Variants in ENPEP observed in about 807,000 individuals in gnomAD.
The protein encoded by ENPEP is AP-A.
Under a neutral mutation model 114.5 loss-of-function variants are expected in ENPEP, and 103 were observed. That is an observed-to-expected ratio of 0.90 (90% confidence interval 0.77 to 1.06). ENPEP has a LOEUF of 1.06. Among genes scored for constraint, ENPEP ranks in the 50% least tolerant of loss-of-function variants. ENPEP has a pLI of 0.00. For synonymous variants in ENPEP, 420 were observed against 422.0 expected (o/e 1.00, Z 0.06); for missense variants, 1,196 against 1,161.3 (o/e 1.03, Z -0.43).
At chr4:110,528,690 T>C (rs895947909) in intron 10 of ENPEP, among the ~76,000 whole-genome samples, 1 of 152,210 alleles carries the variant, frequency 6.6e-6, no homozygotes, top group Non-Finnish European at 1.5e-5. Flanking sequence ...GGAAAGCATA[T>C]GTGCCTTTGA....
chr4:110,477,889 T>C (rs769797454), intron 1 of ENPEP, among the ~76,000 whole-genome samples: 4 of 152,222 alleles, frequency 2.6e-5, no homozygotes, highest in Non-Finnish European at 5.9e-5. Flanking sequence ...TATTGATCAG[T>C]GGCTACTACC....
chr4:110,481,468 A>G (rs182206855), intron 1 of ENPEP, among the ~76,000 whole-genome samples: 2 of 152,156 alleles, frequency 1.3e-5, no homozygotes, highest in African/African-American at 4.8e-5. Flanking sequence ...AAGAGTAGGG[A>G]TATATGTCTT....
chr4:110,561,987 A>G lies in ENPEP; in HGVS notation c.*429A>G, dbSNP rs890723928. 1.3e-5 allele frequency: 2 copies of G among 154,030 alleles called. No individual in the cohort carries two copies. Among genetic ancestry groups the G allele is most frequent in the African/African-American group, 4.8e-5 (2 of 41,462 alleles). The allele number at this position is 154,030 out of a possible 1,614,324, so 9.5% of individuals were successfully genotyped here. A position where few individuals can be genotyped will look rare whatever the true frequency, so the allele number is the denominator to read the frequency against. On this transcript the variant is annotated 3_prime_UTR_variant, in exon 20 of 20. Coordinates refer to ENST00000265162, the MANE Select transcript of ENPEP (RefSeq NM_001977.4). ...CAGTACTTGAGGGACCAATATTACCATCTTAATCTTTATTTTATTATTCAG... is the reference window on the plus strand; with the variant it reads ...CAGTACTTGAGGGACCAATATTACCGTCTTAATCTTTATTTTATTATTCAG...
Position 110,477,041 on chromosome 4 carries a change from G to A in ENPEP, c.627G>A (p.Thr209=), listed in dbSNP as rs1242947607. ...SLVGFYRTTY[T]ENGQVKSIVA... is the part of the protein sequence containing the mutation. ...TGGGATTTTATAGAACCACCTACAC[G>A]GAGAACGGACAAGTCAAGTAAATAT... Residue 209 remains threonine, a synonymous_variant, in exon 1 of 20, where the codon ACG becomes ACA. Coordinates refer to ENST00000265162, the MANE Select transcript of ENPEP (RefSeq NM_001977.4). 4 of 1,613,386 alleles carry A rather than the reference G, an allele frequency of 2.5e-6. No homozygotes were observed. Among genetic ancestry groups the A allele is most frequent in the Admixed American group, 1.7e-5 (1 of 59,962 alleles).
chr4:110,539,952 T>C (rs1335876205), intron 11 of ENPEP, among the ~76,000 whole-genome samples: 1 of 152,054 alleles, frequency 6.6e-6, no homozygotes, highest in Non-Finnish European at 1.5e-5. Context: ...GGGTTGAAAT[T>C]AAAGAGGCTC....
chr4:110,550,167 A>G (rs1727233343), intron 17 of ENPEP, among the ~76,000 whole-genome samples: 2 of 152,040 alleles, frequency 1.3e-5, no homozygotes, highest in Admixed American at 1.3e-4. Context: ...ATTTTCAATG[A>G]TCGACATGTT....
rs750134233 is a variant in ENPEP, at chr4:110,476,642, C to A, written c.228C>A (p.Asp76Glu). Residue 76 changes from aspartate to glutamate, a missense_variant, in exon 1 of 20, where the codon GAC (aspartate) becomes GAA (glutamate). Coordinates refer to ENST00000265162, the MANE Select transcript of ENPEP (RefSeq NM_001977.4). ...CAGGTCCTCCTGCCCAGGACCAGGACATCTGCCCGGCCAGTGAGGATGAGA... is the reference window on the plus strand; with the variant it reads ...CAGGTCCTCCTGCCCAGGACCAGGAAATCTGCCCGGCCAGTGAGGATGAGA... ...SPSGPPAQDQDICPASEDESG... is the reference protein window; with the variant it reads ...SPSGPPAQDQEICPASEDESG... 2 of 1,614,128 alleles carry A rather than the reference C, an allele frequency of 1.2e-6. No homozygotes were observed. Among genetic ancestry groups the A allele is most frequent in the African/African-American group, 2.7e-5 (2 of 75,062 alleles).
At chr4:110,537,736 A>G (rs995050794) in intron 11 of ENPEP, among the ~76,000 whole-genome samples, 1 of 152,238 alleles carries the variant, frequency 6.6e-6, no homozygotes, top group African/African-American at 2.4e-5. Context: ...ATCATTATCT[A>G]TGACAGCTAT....
chr4:110,518,541 A>G (rs1286683238), intron 8 of ENPEP, among the ~76,000 whole-genome samples: 1 of 152,252 alleles, frequency 6.6e-6, no homozygotes, highest in Non-Finnish European at 1.5e-5. Context: ...TAGACAATAT[A>G]AAATTAGTAC....
intron 10 of ENPEP, among the ~76,000 whole-genome samples, chr4:110,520,746 C>T (rs945045297): frequency 6.6e-6 from 1 of 152,120 alleles, no homozygotes; most frequent in African/African-American, 2.4e-5. Context: ...TTCCCTATCC[C>T]TAGACAGGTT....
Position 110,548,303 on chromosome 4 carries a change from A to G in ENPEP, c.2128A>G (p.Lys710Glu). The G allele has an allele frequency of 6.2e-7, 1 of 1,602,782 alleles. No individual in the cohort carries two copies. Among genetic ancestry groups the G allele is most frequent in the Non-Finnish European group, 8.5e-7 (1 of 1,175,094 alleles). Residue 710 changes from lysine (K) to glutamate (E), a missense_variant, in exon 14 of 20, where the codon AAA (lysine) becomes GAA (glutamate). Coordinates refer to ENST00000265162, the MANE Select transcript of ENPEP (RefSeq NM_001977.4). ...TYIISMFEDD[K>E]ELYPMIEEYF... The stretch of plus-strand genomic sequence containing the variant: ...CATCATTAGCATGTTTGAAGATGAT[A>G]AAGAGCTATATCCTATGATTGAGGT...
intron 13 of ENPEP, among the ~76,000 whole-genome samples, chr4:110,546,217 A>C (rs555015164): frequency 6.6e-6 from 1 of 151,990 alleles, no homozygotes; most frequent in African/African-American, 2.4e-5. Context: ...TGACCATGTT[A>C]GTCCTGCTTT....
At chr4:110,541,048 A>C (rs913946194) in intron 11 of ENPEP, among the ~76,000 whole-genome samples, 5 of 152,268 alleles carry the variant, frequency 3.3e-5, no homozygotes, top group Non-Finnish European at 7.4e-5. Context: ...CTTAGCAAGA[A>C]ACTCTCCTTC....
intron 3 of ENPEP, among the ~76,000 whole-genome samples, chr4:110,505,489 T>C (rs1725338980): frequency 6.6e-6 from 1 of 152,234 alleles, no homozygotes; most frequent in African/African-American, 2.4e-5. Flanking sequence ...GAATGTGTTC[T>C]TTATATTCGT....
intron 1 of ENPEP, among the ~76,000 whole-genome samples, chr4:110,487,290 C>T (rs1460416522): frequency 6.6e-6 from 1 of 152,174 alleles, no homozygotes; most frequent in African/African-American, 2.4e-5. Flanking sequence ...CAGGAAAGTG[C>T]TATTATCAAT....
In ENPEP at chr4:110,531,203, C is replaced by A; in HGVS notation, c.1733C>A (p.Thr578Lys). The change falls in exon 11 of 20, where the codon ACA becomes AAA. Residue 578 changes from threonine to lysine, a missense_variant. By Grantham distance (78) the Thr-to-Lys change is moderately conservative (BLOSUM62 -1). Transcript: ENST00000265162. ...TCTTTTTAAAAAAATTTTAGTTATA[C>A]ATGGAATATCCCAGTTAAATGGACT... Reference protein sequence around the residue: ...PSQPPSDLGYTWNIPVKWTED... With the variant: ...PSQPPSDLGYKWNIPVKWTED... 1 of 1,455,924 alleles carries A rather than the reference C, an allele frequency of 6.9e-7. No individual in the cohort carries two copies. The highest frequency in any genetic ancestry group is 9.2e-7 in the Non-Finnish European group (1 of 1,088,316). The allele number at this position is 1,455,924 out of a possible 1,614,324, so 90.2% of individuals were successfully genotyped here. A position where few individuals can be genotyped will look rare whatever the true frequency, so the allele number is the denominator to read the frequency against.
chr4:110,542,035 T>C (rs2110386190), intron 11 of ENPEP, among the ~76,000 whole-genome samples: 1 of 152,240 alleles, frequency 6.6e-6, no homozygotes, highest in Middle Eastern at 3.4e-3. Flanking sequence ...TTAGAAAGAA[T>C]GCTAATTTGA....
chr4:110,478,606 G>T (rs1724199402), intron 1 of ENPEP, among the ~76,000 whole-genome samples: 1 of 152,060 alleles, frequency 6.6e-6, no homozygotes, highest in Non-Finnish European at 1.5e-5. Flanking sequence ...TCAAGAATCT[G>T]TTTTTTGTTC....
At chr4:110,479,934 A>C (rs554448351) in intron 1 of ENPEP, among the ~76,000 whole-genome samples, 1 of 152,360 alleles carries the variant, frequency 6.6e-6, no homozygotes, top group East Asian at 1.9e-4. Context: ...ATAAGTCTAA[A>C]AAAAGCATTA....
Sources: gnomAD v4.1 joint callset for allele counts (sites outside exome capture counted in the v4.1 genomes callset) on GRCh38, gnomAD v4.1.1 for gene constraint, MANE v1.5 for transcripts, NCBI Gene and HGNC (gene_info 2026-07-23, HGNC 2026-07-21) for gene names.